Variants in DSE observed in about 807,000 individuals in gnomAD.
The protein encoded by DSE is dermatan-sulfate epimerase.
DSE carries 36 observed loss-of-function variants against 84.4 expected under a neutral mutation model. The observed-to-expected ratio is 0.43, with a 90% CI of 0.33 to 0.56. The LOEUF is 0.56. Among genes scored for constraint, DSE ranks in the 20% least tolerant of loss-of-function variants. The pLI is 0.06. For missense variants in DSE, 862 were observed against 1,169.6 expected (o/e 0.74, Z 3.84); for synonymous variants, 410 against 430.1 (o/e 0.95, Z 0.58).
rs115839974 is a variant in DSE, at chr6:116,270,016, G to A, written c.-54+11049G>A. 9.7e-3 allele frequency among the ~76,000 whole-genome samples: 1,482 copies of A among 152,208 alleles called. 27 individuals carry two copies. The highest frequency in any genetic ancestry group is 0.034 in the African/African-American group (1,417 of 41,536). On this transcript the variant is annotated intron_variant, in intron 2 of 3. Coordinates refer to the DSE transcript ENST00000430252. ...GAAGACACAGTCTTCTGCTCTGATA[G>A]AGTTATACTTTAGTAAAGAAGAGCT... is the stretch of plus-strand genomic sequence containing the variant.
At position 116,399,617 on chromosome 6, in the gene DSE, C is replaced by T. The variant is rs759461496; in HGVS notation, c.367C>T (p.Arg123Ter). ...GCTGTATCCTGAGAACATTGAAGCCCGAGACATGGCCAAAGACTACATGGA... is the reference window on the plus strand; with the variant it reads ...GCTGTATCCTGAGAACATTGAAGCCTGAGACATGGCCAAAGACTACATGGA... ...CVLYPENIEA[R>*]DMAKDYMERM... Residue 123 changes from arginine (R) to a stop codon, truncating the protein, a stop_gained, in exon 2 of 6, where the codon CGA becomes TGA. Coordinates refer to ENST00000644252, the MANE Select transcript of DSE (RefSeq NM_013352.4). LOFTEE classifies it high-confidence loss of function. The T allele has an allele frequency of 1.2e-6, 2 of 1,614,168 alleles. No individual in the cohort carries two copies. The highest frequency in any genetic ancestry group is 1.7e-6 in the Non-Finnish European group (2 of 1,180,040).
intron 2 of DSE, chr6:116,278,572 C>A (rs751770322): frequency 6.2e-7 from 1 of 1,614,110 alleles, no homozygotes; most frequent in Middle Eastern, 1.7e-4. Context: ...CCTTAGCGGG[C>A]GACGTCGGGC....
intron 1 of DSE, among the ~76,000 whole-genome samples, chr6:116,385,613 G>A (rs73767757): frequency 0.019 from 2,866 of 152,170 alleles, 91 homozygotes; most frequent in African/African-American, 0.066. Context: ...CAGTGCCTAC[G>A]TCTTTGGGTT....
chr6:116,364,426 ATACTATAAAT>A (rs1230675748), intron 2 of DSE, among the ~76,000 whole-genome samples: 4 of 152,248 alleles, frequency 2.6e-5, no homozygotes, highest in Non-Finnish European at 5.9e-5. Context: ...CATCTAAAAG[ATACTATAAAT>A]GCAAAATAGC....
intron 2 of DSE, among the ~76,000 whole-genome samples, chr6:116,315,134 A>G (rs1388335343): frequency 6.6e-6 from 1 of 152,184 alleles, no homozygotes; most frequent in Non-Finnish European, 1.5e-5. Flanking sequence ...TCTAGAAATC[A>G]GTTTCTTCAT....
intron 2 of DSE, among the ~76,000 whole-genome samples, chr6:116,413,261 T>C (rs184428378): frequency 1.3e-4 from 20 of 152,378 alleles, no homozygotes; most frequent in Admixed American, 1.2e-3. Flanking sequence ...CCTCATTTTC[T>C]ATTTCATTCC....
chr6:116,357,088 CTAA>C (rs1335038649), intron 2 of DSE, among the ~76,000 whole-genome samples: 1 of 152,212 alleles, frequency 6.6e-6, no homozygotes, highest in Non-Finnish European at 1.5e-5. Context: ...GTGACATTCA[CTAA>C]TAATATTTCT....
At chr6:116,359,052 C>A (rs1416810436) in intron 2 of DSE, among the ~76,000 whole-genome samples, 1 of 152,038 alleles carries the variant, frequency 6.6e-6, no homozygotes, top group South Asian at 2.1e-4. Flanking sequence ...TTTGGTTGAT[C>A]AAATTCTCTT....
At chr6:116,292,167 G>A (rs1774324099) in intron 2 of DSE, among the ~76,000 whole-genome samples, 1 of 152,142 alleles carries the variant, frequency 6.6e-6, no homozygotes, top group Admixed American at 6.6e-5. Context: ...ACAAGTAGAG[G>A]AAGAAGAAAG....
chr6:116,279,880 G>A (rs777623434), intron 2 of DSE: 28 of 1,612,584 alleles, frequency 1.7e-5, no homozygotes, highest in Non-Finnish European at 2.4e-5. Context: ...TTCCTCAGAG[G>A]CCGAACTGGG....
intron 2 of DSE, among the ~76,000 whole-genome samples, chr6:116,298,001 A>T (rs1253502242): frequency 6.6e-6 from 1 of 152,208 alleles, no homozygotes; most frequent in Non-Finnish European, 1.5e-5. Flanking sequence ...GCAAACCAGG[A>T]TTGTTGGACA....
At chr6:116,430,299 A>G (rs968635744) in intron 3 of DSE, among the ~76,000 whole-genome samples, 3 of 152,234 alleles carry the variant, frequency 2.0e-5, no homozygotes, top group African/African-American at 7.2e-5. Flanking sequence ...TTTAGCGTTT[A>G]TAATATGTGC....
chr6:116,284,969 G>A (rs1271535076), intron 2 of DSE, among the ~76,000 whole-genome samples: 18 of 151,960 alleles, frequency 1.2e-4, no homozygotes, highest in African/African-American at 3.9e-4. Flanking sequence ...GAATAATGCC[G>A]CAATAAACAT....
At chr6:116,287,341 T>G (rs1773977912) in intron 2 of DSE, among the ~76,000 whole-genome samples, 1 of 152,126 alleles carries the variant, frequency 6.6e-6, no homozygotes, top group Admixed American at 6.5e-5. Context: ...TGCTTTTCCC[T>G]TTCCTTTCAT....
chr6:116,370,452 A>G (rs1195318994), upstream of DSE: 4 of 987,648 alleles, frequency 4.1e-6, no homozygotes, highest in Non-Finnish European at 4.8e-6. Flanking sequence ...GAAAAGAGGC[A>G]GTAACTATTC....
intron 2 of DSE, among the ~76,000 whole-genome samples, chr6:116,361,714 CTTA>C (rs967892095): frequency 1.4e-4 from 22 of 152,162 alleles, no homozygotes; most frequent in African/African-American, 5.1e-4. Flanking sequence ...TCTCCAAACT[CTTA>C]TTTAGTCTTA....
intron 2 of DSE, among the ~76,000 whole-genome samples, chr6:116,321,074 C>G (rs1043963099): frequency 2.6e-5 from 4 of 152,170 alleles, no homozygotes; most frequent in African/African-American, 9.7e-5. Flanking sequence ...AAAAGCAGTT[C>G]TGCAACTCTT....
At chr6:116,390,484 A>AT (rs1562275341) in intron 1 of DSE, among the ~76,000 whole-genome samples, 1 of 152,252 alleles carries the variant, frequency 6.6e-6, no homozygotes, top group Non-Finnish European at 1.5e-5. Context: ...ATCACAATGC[A>AT]CTGCAAAGCA....
In DSE at chr6:116,399,209, G is replaced by T; in HGVS notation, c.-42G>T. On this transcript the variant is annotated 5_prime_UTR_variant, in exon 2 of 6. Transcript: ENST00000644252. ...TTTATCTCACGTAGGATCTTTCGAA[G>T]ATGGTTTGGCTGCCTTGGAGATTTG... 1.2e-6 allele frequency: 2 copies of T among 1,611,436 alleles called. No individual in the cohort carries two copies. Among genetic ancestry groups the T allele is most frequent in the Non-Finnish European group, 8.5e-7 (1 of 1,179,802 alleles).
Sources: allele counts gnomAD v4.1 joint callset (sites outside exome capture counted in the v4.1 genomes callset), GRCh38; gene constraint gnomAD v4.1.1; transcripts MANE v1.5; gene names NCBI Gene and HGNC (gene_info 2026-07-23, HGNC 2026-07-21).